The following WASHC2C variants were observed in gnomAD, a reference collection of about 807,000 sequenced individuals.
The protein encoded by WASHC2C is Vaccinia Penetration Factor.
WASHC2C carries 73 observed loss-of-function variants against 142.2 expected under a neutral mutation model. That is an observed-to-expected ratio of 0.51 (90% confidence interval 0.43 to 0.62). The LOEUF is 0.62. WASHC2C is among the 20% of genes least tolerant of loss of function. The probability of loss-of-function intolerance (pLI) is 0.00; values close to 1 mark genes in which losing one functional copy is unlikely to be tolerated. For missense variants in WASHC2C, 969 were observed against 1,531.7 expected (o/e 0.63, Z 6.13); for synonymous variants, 337 against 565.5 (o/e 0.60, Z 5.73).
intron 19 of WASHC2C, among the ~76,000 whole-genome samples, chr10:45,768,320 T>C (rs1459674044): frequency 6.6e-6 from 1 of 151,560 alleles, no homozygotes; most frequent in Non-Finnish European, 1.5e-5. Flanking sequence ...ATTAATCTGG[T>C]TGGGGTACAG....
chr10:45,759,969 G>C (rs1447761044), intron 17 of WASHC2C, among the ~76,000 whole-genome samples: 1 of 149,610 alleles, frequency 6.7e-6, no homozygotes, highest in East Asian at 2.0e-4. Flanking sequence ...ATTTTAAACT[G>C]TTCATGGGCT....
intron 17 of WASHC2C, among the ~76,000 whole-genome samples, 188 bp downstream of exon 17, chr10:45,759,589 G>T (rs2054822600): frequency 6.6e-6 from 1 of 152,072 alleles, no homozygotes; most frequent in South Asian, 2.1e-4. Context: ...GTAGGCCAAG[G>T]CAGGCGGATA....
At chr10:45,773,892 C>CAAAAAAAAA (rs71023148) in intron 21 of WASHC2C, among the ~76,000 whole-genome samples, 1 of 31,096 alleles carries the variant, frequency 3.2e-5, no homozygotes, top group Non-Finnish European at 6.0e-5. Flanking sequence ...TACTGCAGGC[C>CAAAAAAAAA]AAAAAAAAAA....
intron 23 of WASHC2C, among the ~76,000 whole-genome samples, chr10:45,783,757 G>A (rs1207592299): frequency 6.6e-6 from 1 of 152,168 alleles, no homozygotes; most frequent in African/African-American, 2.4e-5. Flanking sequence ...CACCATGCCT[G>A]GCCTTTTTGT....
intron 18 of WASHC2C, among the ~76,000 whole-genome samples, chr10:45,765,318 G>A (rs542599803): frequency 6.0e-5 from 9 of 151,102 alleles, no homozygotes; most frequent in African/African-American, 9.7e-5. Flanking sequence ...TGGCTGCTGC[G>A]GGGGCTCCCG....
intron 5 of WASHC2C, among the ~76,000 whole-genome samples, chr10:45,742,465 C>T (rs1247504812): frequency 1.3e-5 from 2 of 151,758 alleles, no homozygotes; most frequent in Non-Finnish European, 2.9e-5. Flanking sequence ...TAGGTGTGCG[C>T]CACCACACCC....
At chr10:45,753,823 ATGT>A (rs1235497716) in intron 13 of WASHC2C, among the ~76,000 whole-genome samples, 3 of 145,496 alleles carry the variant, frequency 2.1e-5, no homozygotes, top group Admixed American at 6.8e-5. Context: ...AAATATAAAT[ATGT>A]TTTTTTTTTT....
intron 2 of WASHC2C, among the ~76,000 whole-genome samples, chr10:45,728,521 G>A (rs2050173600): frequency 6.6e-6 from 1 of 151,746 alleles, no homozygotes; most frequent in Non-Finnish European, 1.5e-5. Flanking sequence ...GGCGAATCAC[G>A]AGGTCAGGAG....
chr10:45,761,651 A>G (rs1280131106), intron 17 of WASHC2C, among the ~76,000 whole-genome samples: 30 of 152,200 alleles, frequency 2.0e-4, no homozygotes, highest in African/African-American at 2.2e-4. Context: ...CTGAAGTGTG[A>G]GGCTGAAGCT....
chr10:45,765,426 C>A (rs1219593002), intron 18 of WASHC2C, among the ~76,000 whole-genome samples: 21 of 150,116 alleles, frequency 1.4e-4, no homozygotes, highest in African/African-American at 3.9e-4. Context: ...TTCATGATCT[C>A]ATTTGCATGT....
At chr10:45,728,034 G>A (rs1340252673) in intron 2 of WASHC2C, among the ~76,000 whole-genome samples, 4 of 152,176 alleles carry the variant, frequency 2.6e-5, no homozygotes. Flanking sequence ...CAACCAAAGA[G>A]GACTTTTAAA....
Position 45,750,832 on chromosome 10 carries a change from C to A in WASHC2C, c.925C>A (p.Pro309Thr). ...TGCCATGGGTCGAGTGGACGAGGAG[C>A]CGACAAGTGAGCCCCAGCCACGTTG... ...GDAMGRVDEE[P>T]TTLPSGEAKP... Residue 309 changes from proline (P) to threonine (T), a missense_variant, in exon 10 of 31, where the codon CCG becomes ACG. Coordinates refer to ENST00000623400, the MANE Select transcript of WASHC2C (RefSeq NM_001330074.2). The A allele has an allele frequency of 6.5e-7, 1 of 1,548,218 alleles. No individual in the cohort carries two copies. The highest frequency in any genetic ancestry group is 1.2e-5 in the South Asian group (1 of 83,890).
At chr10:45,752,189 C>T (rs566533517) in intron 11 of WASHC2C, among the ~76,000 whole-genome samples, 37 of 152,324 alleles carry the variant, frequency 2.4e-4, no homozygotes, top group African/African-American at 7.2e-4. Flanking sequence ...ACAGCCATGT[C>T]GATTACATTA....
At chr10:45,784,289 T>TATATATATATATATAG in intron 23 of WASHC2C, among the ~76,000 whole-genome samples, 1 of 17,708 alleles carries the variant, frequency 5.6e-5, no homozygotes, top group Non-Finnish European at 1.4e-4. Context: ...TATATATATA[T>TATATATATATATATAG]ACACATATAT....
At position 45,785,562 on chromosome 10, in the gene WASHC2C, A is replaced by G; in HGVS notation, c.2742A>G (p.Lys914=). ...AAGACCACTCTGTTAACTCTTTCAA[A>G]AACCAGAAACATCCTGAATCCATTC... ...VKKDHSVNSF[K]NQKHPESIQG... The change falls in exon 26 of 31, where the codon AAA becomes AAG. Residue 914 remains lysine (K), a synonymous_variant. Coordinates refer to ENST00000623400, the MANE Select transcript of WASHC2C (RefSeq NM_001330074.2). 1 of 1,613,988 alleles carries G rather than the reference A, an allele frequency of 6.2e-7. No homozygotes were observed. Among genetic ancestry groups the G allele is most frequent in the East Asian group, 2.2e-5 (1 of 44,888 alleles).
At chr10:45,780,997 A>T (rs1174929223) in intron 23 of WASHC2C, among the ~76,000 whole-genome samples, 2 of 151,398 alleles carry the variant, frequency 1.3e-5, no homozygotes, top group Non-Finnish European at 1.5e-5. Context: ...CAGGTGATCC[A>T]CCTGCCTTAG....
chr10:45,741,139 G>T (rs1300060322), intron 5 of WASHC2C, among the ~76,000 whole-genome samples: 2 of 152,096 alleles, frequency 1.3e-5, no homozygotes, highest in East Asian at 3.9e-4. Flanking sequence ...GTATAGACAG[G>T]GTTTCACCAT....
At chr10:45,762,314 G>A (rs1554880314) in intron 17 of WASHC2C, among the ~76,000 whole-genome samples, 1 of 152,108 alleles carries the variant, frequency 6.6e-6, no homozygotes, top group African/African-American at 2.4e-5. Context: ...CCAGGTTCAA[G>A]CAATTCTCCT....
In WASHC2C at chr10:45,744,900, T is replaced by C. The variant is rs2052617835; in HGVS notation, c.684+18T>C. ...AAGAGGAGGTAAGGGCTGTTTGGTA[T>C]GACCAGGTCACGGTGGGCAGCAAGC... On this transcript the variant is annotated intron_variant, in intron 7 of 30. Coordinates refer to ENST00000623400, the MANE Select transcript of WASHC2C (RefSeq NM_001330074.2). 1.8e-6 allele frequency: 1 copy of C among 554,576 alleles called. No homozygotes were observed. The highest frequency in any genetic ancestry group is 3.7e-5 in the Admixed American group (1 of 27,234). 34.4% of individuals were successfully genotyped at this position (554,576 alleles called of 1,614,324 possible).
Sources: gnomAD v4.1 joint callset for allele counts (sites outside exome capture counted in the v4.1 genomes callset) on GRCh38, gnomAD v4.1.1 for gene constraint, MANE v1.5 for transcripts, NCBI Gene and HGNC (gene_info 2026-07-23, HGNC 2026-07-21) for gene names.